Variants in DIAPH2 observed in about 807,000 individuals in gnomAD.
DIAPH2 encodes diaphanous related formin 2, also known as protein diaphanous homolog 2.
A neutral mutation model predicts 92.7 loss-of-function variants in DIAPH2; 35 were observed. The ratio of observed to expected loss-of-function variants is 0.38; its 90% CI spans 0.29 to 0.50. DIAPH2 has a LOEUF of 0.50. Ranked by LOEUF, DIAPH2 falls within the 20% of genes least tolerant of loss-of-function variation. The pLI, the probability that DIAPH2 is intolerant of heterozygous loss-of-function variation, is 0.94. For missense variants in DIAPH2, 701 were observed against 819.5 expected (o/e 0.86, Z 1.77); for synonymous variants, 301 against 280.4 (o/e 1.07, Z -0.73).
At chrX:96,959,610 C>A (rs1005688104) in intron 16 of DIAPH2, among the ~76,000 whole-genome samples, 5 of 111,520 alleles carry the variant, frequency 4.5e-5, no homozygotes, top group African/African-American at 1.6e-4. Context: ...TATGCGGAAG[C>A]GTTTTAGTTT....
At chrX:96,808,381 C>T (rs2064646810) in intron 4 of DIAPH2, among the ~76,000 whole-genome samples, 1 of 111,671 alleles carries the variant, frequency 9.0e-6, no homozygotes, top group Non-Finnish European at 1.9e-5. Context: ...GTTATAGTGA[C>T]AAAATGTTTT....
intron 24 of DIAPH2, among the ~76,000 whole-genome samples, chrX:97,348,615 T>G (rs1019133344): frequency 8.9e-6 from 1 of 112,181 alleles, no homozygotes; most frequent in Non-Finnish European, 1.9e-5. Context: ...GCGTAAACAT[T>G]AATATCTAGA....
chrX:97,326,988 C>T (rs1050890226), intron 23 of DIAPH2, among the ~76,000 whole-genome samples: 2 of 112,599 alleles, frequency 1.8e-5, no homozygotes, highest in Non-Finnish European at 3.7e-5. Context: ...ATCCCCACCA[C>T]TTATAAGCTG....
At chrX:97,021,597 T>C (rs1163490498) in intron 17 of DIAPH2, among the ~76,000 whole-genome samples, 1 of 111,836 alleles carries the variant, frequency 8.9e-6, no homozygotes, top group African/African-American at 3.2e-5. Context: ...AAGAATATAA[T>C]GTGAATGACG....
chrX:97,460,023 T>C (rs1030879912), intron 26 of DIAPH2, among the ~76,000 whole-genome samples: 1 of 112,452 alleles, frequency 8.9e-6, no homozygotes, highest in Admixed American at 9.4e-5. Context: ...GTTGCAGAAC[T>C]CTTCCTTAGT....
At chrX:97,229,900 G>A (rs1415583690) in intron 22 of DIAPH2, among the ~76,000 whole-genome samples, 1 of 100,439 alleles carries the variant, frequency 1.0e-5, no homozygotes, top group Non-Finnish European at 2.0e-5. Context: ...TATTATATAT[G>A]ATAACAATAT....
chrX:97,585,341 A>C (rs1319212753), intron 26 of DIAPH2, among the ~76,000 whole-genome samples: 3 of 108,987 alleles, frequency 2.8e-5, no homozygotes, highest in African/African-American at 1.0e-4. Context: ...GCTCTTTTAG[A>C]ACAGAAACTT....
chrX:97,395,033 A>G (rs2069692200), intron 25 of DIAPH2, among the ~76,000 whole-genome samples: 1 of 111,859 alleles, frequency 8.9e-6, no homozygotes, highest in African/African-American at 3.2e-5. Flanking sequence ...TTTTCATAAG[A>G]AGTAAATGAG....
At chrX:97,306,048 G>GA (rs11442631) in intron 23 of DIAPH2, among the ~76,000 whole-genome samples, 46,796 of 98,395 alleles carry the variant, frequency 0.48, 8,834 homozygotes, top group Non-Finnish European at 0.57. Context: ...AAAGTATAAA[G>GA]AAAAAAAAAA....
intron 23 of DIAPH2, among the ~76,000 whole-genome samples, chrX:97,343,349 G>T (rs1192680634): frequency 3.6e-5 from 4 of 111,343 alleles, no homozygotes; most frequent in African/African-American, 1.3e-4. Context: ...TCAGGACCAA[G>T]CCCTCTACTC....
intron 4 of DIAPH2, among the ~76,000 whole-genome samples, chrX:96,776,416 G>T (rs889820008): frequency 9.1e-6 from 1 of 109,620 alleles, no homozygotes; most frequent in Admixed American, 9.8e-5. Flanking sequence ...TCACCATATC[G>T]GCCAGGCTGG....
At chrX:97,494,515 T>G (rs1023796052) in intron 26 of DIAPH2, among the ~76,000 whole-genome samples, 1 of 111,845 alleles carries the variant, frequency 8.9e-6, no homozygotes, top group Non-Finnish European at 1.9e-5. Context: ...ACGATTTAAT[T>G]TGTTCCTTTA....
chrX:97,242,213 C>CCTT (rs200929753), intron 22 of DIAPH2, among the ~76,000 whole-genome samples: 8,383 of 110,992 alleles, frequency 0.076, 432 homozygotes, highest in African/African-American at 0.19. Context: ...ACTGGGCACT[C>CCTT]CTTTGCCATC....
At chrX:97,037,955 C>G (rs1252976880) in intron 17 of DIAPH2, among the ~76,000 whole-genome samples, 2 of 111,139 alleles carry the variant, frequency 1.8e-5, no homozygotes, top group Non-Finnish European at 3.8e-5. Flanking sequence ...ATATACATCA[C>G]ACAGATAGTG....
chrX:97,278,990 A>G (rs1350255461), intron 23 of DIAPH2, among the ~76,000 whole-genome samples: 1 of 112,466 alleles, frequency 8.9e-6, no homozygotes, highest in East Asian at 2.8e-4. Context: ...TTGCAAACAA[A>G]GGGATGTGCT....
chrX:97,241,653 T>C (rs1382654717), intron 22 of DIAPH2, among the ~76,000 whole-genome samples: 4 of 110,714 alleles, frequency 3.6e-5, no homozygotes, highest in African/African-American at 9.9e-5. Context: ...TGGGTATGTA[T>C]AGGCTGGGTA....
At position 96,962,298 on chromosome X, in the gene DIAPH2, T is replaced by TAC. The variant is rs1198295445; in HGVS notation, c.1936-2793_1936-2792dup. ...ACATATATATATACATATATATATA[T>TAC]ACATATATATATACATATATATATA... On this transcript the variant is annotated intron_variant, in intron 16 of 26. Transcript: ENST00000324765. 3.0e-3 allele frequency among the ~76,000 whole-genome samples: 150 copies of TAC among 50,472 alleles called. 3 individuals carry two copies. The highest frequency in any genetic ancestry group is 0.026 in the South Asian group (25 of 951). 43.8% of individuals were successfully genotyped at this position (50,472 alleles called of 115,157 possible).
chrX:96,919,291 C>T (rs1249920319), intron 9 of DIAPH2, among the ~76,000 whole-genome samples: 1 of 111,972 alleles, frequency 8.9e-6, no homozygotes, highest in Non-Finnish European at 1.9e-5. Context: ...CTCACAACAA[C>T]CTAGATATGA....
chrX:97,118,595 C>T (rs1253219177), intron 21 of DIAPH2, among the ~76,000 whole-genome samples: 4 of 111,760 alleles, frequency 3.6e-5, no homozygotes, highest in African/African-American at 1.3e-4. Flanking sequence ...ACAGAAACCT[C>T]AAGAAGCTTG....
Sources: gnomAD v4.1 joint callset for allele counts (sites outside exome capture counted in the v4.1 genomes callset) on GRCh38, gnomAD v4.1.1 for gene constraint, MANE v1.5 for transcripts, NCBI Gene and HGNC (gene_info 2026-07-23, HGNC 2026-07-21) for gene names.